KALRN: variants seen among roughly 807,000 people sequenced by gnomAD.
The protein encoded by KALRN is kalirin RhoGEF kinase, also known as kalirin.
KALRN carries 70 observed loss-of-function variants against 353.7 expected under a neutral mutation model. That is an observed-to-expected ratio of 0.20 (90% CI 0.16 to 0.24). KALRN has a LOEUF of 0.24. KALRN is among the 10% of genes least tolerant of loss of function. The pLI is 1.00. For synonymous variants in KALRN, 1,391 were observed against 1,434.8 expected (o/e 0.97, Z 0.69); for missense variants, 2,791 against 3,756.7 (o/e 0.74, Z 6.72).
At chr3:124,526,473 G>T (rs1168661980) in intron 33 of KALRN, among the ~76,000 whole-genome samples, 3 of 152,072 alleles carry the variant, frequency 2.0e-5, no homozygotes, top group African/African-American at 7.2e-5. Context: ...TACTTGGGAG[G>T]CTGAGGTGGG....
intron 32 of KALRN, among the ~76,000 whole-genome samples, chr3:124,495,254 C>T (rs1457123914): frequency 6.6e-6 from 1 of 152,116 alleles, no homozygotes; most frequent in Non-Finnish European, 1.5e-5. Flanking sequence ...ATGCCTTGGC[C>T]TTCTGTATCG....
Position 124,260,745 on chromosome 3 carries a change from G to A in KALRN, c.264-3753G>A, listed in dbSNP as rs201793398. Among the ~76,000 whole-genome samples, 8 of 152,244 alleles carry A rather than the reference G, an allele frequency of 5.3e-5. No homozygotes were observed. In the East Asian group the frequency reaches 1.5e-3, roughly 29 times the overall value. On this transcript the variant is annotated intron_variant, in intron 3 of 59. Coordinates refer to ENST00000682506, the MANE Select transcript of KALRN (RefSeq NM_001388419.1). The stretch of plus-strand genomic sequence containing the variant: ...AAAAGAGGGACAGAGCCCAGAATGG[G>A]ACTCTCCAAGGCACTCAGAGCTGCA...
intron 9 of KALRN, among the ~76,000 whole-genome samples, chr3:124,343,212 G>C (rs1331800436): frequency 6.6e-6 from 1 of 152,144 alleles, no homozygotes; most frequent in African/African-American, 2.4e-5. Flanking sequence ...GTCCAGGCTG[G>C]AATGGTGATA....
chr3:124,714,173 A>C (rs1294900023), intron 58 of KALRN, among the ~76,000 whole-genome samples: 1 of 151,974 alleles, frequency 6.6e-6, no homozygotes, highest in Non-Finnish European at 1.5e-5. Context: ...GTAGTTTGTC[A>C]CTTTAGACTT....
intron 1 of KALRN, among the ~76,000 whole-genome samples, chr3:124,176,530 C>T (rs774030517): frequency 1.3e-5 from 2 of 152,090 alleles, no homozygotes; most frequent in African/African-American, 4.8e-5. Context: ...AGCAGCTGCT[C>T]GTGCCAAAAG....
chr3:124,584,166 C>G (rs1176566302), intron 34 of KALRN, among the ~76,000 whole-genome samples: 1 of 152,084 alleles, frequency 6.6e-6, no homozygotes, highest in Admixed American at 6.5e-5. Flanking sequence ...TTGTATGATT[C>G]CAAACCCAGA....
At chr3:124,434,609 A>AT (rs758887881) in intron 17 of KALRN, 84 bp downstream of exon 17, 39 of 1,228,486 alleles carry the variant, frequency 3.2e-5, no homozygotes, top group Non-Finnish European at 4.6e-5. Context: ...TGCAGTGCTT[A>AT]TGTCAGCGAG....
intron 4 of KALRN, among the ~76,000 whole-genome samples, chr3:124,266,379 T>G (rs1318270321): frequency 6.6e-6 from 1 of 152,218 alleles, no homozygotes; most frequent in Non-Finnish European, 1.5e-5. Context: ...TCATATGTTT[T>G]TATTTTTTTC....
chr3:124,185,298 G>A (rs568855814), intron 1 of KALRN, among the ~76,000 whole-genome samples: 19 of 152,308 alleles, frequency 1.2e-4, no homozygotes, highest in Admixed American at 2.6e-4. Context: ...TTACAGGCGT[G>A]AGCCACTGCA....
At chr3:124,233,068 C>T (rs542765512) in intron 2 of KALRN, among the ~76,000 whole-genome samples, 1 of 152,240 alleles carries the variant, frequency 6.6e-6, no homozygotes, top group South Asian at 2.1e-4. Context: ...CCAAGGCCAG[C>T]CCTGGTTCTA....
intron 58 of KALRN, 96 bp downstream of exon 58, chr3:124,713,231 G>A (rs2062976049): frequency 1.9e-6 from 2 of 1,072,944 alleles, no homozygotes; most frequent in African/African-American, 1.6e-5. Flanking sequence ...TTTATACAAG[G>A]TCCTATCATT....
chr3:124,578,573 A>G (rs1317471099), intron 34 of KALRN, among the ~76,000 whole-genome samples: 4 of 152,222 alleles, frequency 2.6e-5, no homozygotes, highest in Admixed American at 1.3e-4. Context: ...GTTCTCAGCC[A>G]TGACTTCACA....
chr3:124,419,675 G>C (rs764127144), intron 14 of KALRN, among the ~76,000 whole-genome samples: 2 of 152,168 alleles, frequency 1.3e-5, no homozygotes, highest in Admixed American at 1.3e-4. Context: ...GAACAACATA[G>C]ATAAGTTAAT....
intron 1 of KALRN, among the ~76,000 whole-genome samples, chr3:124,178,612 A>G (rs1268195648): frequency 2.6e-5 from 4 of 152,184 alleles, no homozygotes; most frequent in Non-Finnish European, 5.9e-5. Context: ...ACCTATCTAG[A>G]CATAGAAAAG....
At chr3:124,500,569 A>C (rs2064398556) in intron 33 of KALRN, among the ~76,000 whole-genome samples, 1 of 152,232 alleles carries the variant, frequency 6.6e-6, no homozygotes, top group South Asian at 2.1e-4. Flanking sequence ...AAACAGTCTA[A>C]TATTCTTAAT....
Position 124,650,793 on chromosome 3 carries a change from T to TA in KALRN, c.5665-15_5665-14insA, listed in dbSNP as rs11372663. ...CAAAGTACACTTCTCTAAGCCTGTT[T>TA]TTCTCTCTTTTCAGAGTCTAGAAGG... On this transcript the variant is annotated splice_polypyrimidine_tract_variant and intron_variant, in intron 37 of 59. Coordinates refer to ENST00000682506, the MANE Select transcript of KALRN (RefSeq NM_001388419.1). 0.63 allele frequency: 1,003,101 copies of TA among 1,604,104 alleles called. 321,939 individuals carry two copies. The highest frequency in any genetic ancestry group is 0.93 in the African/African-American group (69,928 of 74,882).
intron 1 of KALRN, among the ~76,000 whole-genome samples, chr3:124,207,668 A>C (rs1422174826): frequency 6.6e-6 from 1 of 152,218 alleles, no homozygotes; most frequent in Non-Finnish European, 1.5e-5. Flanking sequence ...CCTTGGGTGC[A>C]TTATTTGCTT....
At position 124,495,749 on chromosome 3, in the gene KALRN, A is replaced by G. The variant is rs867057952; in HGVS notation, c.4833-562A>G. On this transcript the variant is annotated intron_variant, in intron 32 of 59. Coordinates refer to ENST00000682506, the MANE Select transcript of KALRN (RefSeq NM_001388419.1). ...CATCTTAAAAAAAAAAAAAAAAAAA[A>G]AAGAAGAAGAAATCTTGTCACTTCT... is the stretch of plus-strand genomic sequence containing the variant. Among the ~76,000 whole-genome samples, 699 of 147,170 alleles carry G rather than the reference A, an allele frequency of 4.7e-3. 3 individuals carry two copies. The highest frequency in any genetic ancestry group is 8.2e-3 in the Non-Finnish European group (547 of 66,686).
chr3:124,215,550 C>A (rs2077251323), intron 1 of KALRN, among the ~76,000 whole-genome samples: 1 of 152,176 alleles, frequency 6.6e-6, no homozygotes, highest in Admixed American at 6.5e-5. Context: ...TTAGTATCAG[C>A]TAGGTGTCTG....
Sources: gnomAD v4.1 joint callset for allele counts (sites outside exome capture counted in the v4.1 genomes callset) on GRCh38, gnomAD v4.1.1 for gene constraint, MANE v1.5 for transcripts, NCBI Gene and HGNC (gene_info 2026-07-23, HGNC 2026-07-21) for gene names.